Variants in CEP85L observed in about 807,000 individuals in gnomAD.
CEP85L encodes centrosomal protein 85L, also known as centrosomal protein of 85 kDa-like.
In CEP85L, 60 loss-of-function variants were observed where a neutral mutation model predicts 100.3. The ratio of observed to expected loss-of-function variants is 0.60; its 90% CI spans 0.49 to 0.74. CEP85L has a LOEUF of 0.74. Among genes scored for constraint, CEP85L ranks in the 30% least tolerant of loss-of-function variants. The pLI is 0.00. For synonymous variants in CEP85L, 319 were observed against 322.7 expected (o/e 0.99, Z 0.12); for missense variants, 973 against 936.2 (o/e 1.04, Z -0.51).
chr6:118,509,557 T>TA (rs1384727297), intron 5 of CEP85L, among the ~76,000 whole-genome samples: 5 of 152,246 alleles, frequency 3.3e-5, no homozygotes, highest in Non-Finnish European at 1.5e-5. Context: ...GAAAATCTGA[T>TA]AGTTATTTTC....
At chr6:118,641,630 G>A (rs370938641) in intron 1 of CEP85L, among the ~76,000 whole-genome samples, 19 of 152,196 alleles carry the variant, frequency 1.2e-4, no homozygotes, top group African/African-American at 4.6e-4. Context: ...GGCTGGTTAA[G>A]CAGATTTGCA....
Position 118,566,136 on chromosome 6 carries a change from C to T in CEP85L, c.413G>A (p.Arg138Lys). 6.2e-7 allele frequency: 1 copy of T among 1,614,184 alleles called. No homozygotes were observed. The highest frequency in any genetic ancestry group is 8.5e-7 in the Non-Finnish European group (1 of 1,180,022). Residue 138 changes from arginine to lysine, a missense_variant, in exon 3 of 13, where the codon AGG becomes AAG. This residue lies in a region of CEP85L where 890 missense variants were observed against 844.5 expected (regional missense o/e 1.05). Transcript: ENST00000368491. ...SLMQTLGNHS[R>K]GEQDSSLDMK... ...GTCTAGGGAAGAGTCCTGCTCCCCC[C>T]TACTGTGGTTTCCCAATGTTTGCAT...
At chr6:118,484,143 C>A (rs1272403564) in intron 6 of CEP85L, among the ~76,000 whole-genome samples, 2 of 152,100 alleles carry the variant, frequency 1.3e-5, no homozygotes, top group Admixed American at 6.6e-5. Context: ...AACCCTGTCT[C>A]TACTAAAAAA....
At chr6:118,694,425 AT>A (rs1377935113) in intron 1 of CEP85L, among the ~76,000 whole-genome samples, 1 of 152,208 alleles carries the variant, frequency 6.6e-6, no homozygotes, top group African/African-American at 2.4e-5. Context: ...TTTAAAATAC[AT>A]TTTTCCAATA....
chr6:118,508,877 TA>T (rs1358719598), intron 5 of CEP85L, among the ~76,000 whole-genome samples: 1 of 152,070 alleles, frequency 6.6e-6, no homozygotes, highest in African/African-American at 2.4e-5. Context: ...GATCCAAAGT[TA>T]AAAAAATCCT....
intron 3 of CEP85L, among the ~76,000 whole-genome samples, chr6:118,542,979 T>C (rs1777996363): frequency 6.7e-6 from 1 of 149,430 alleles, no homozygotes; most frequent in Non-Finnish European, 1.5e-5. Flanking sequence ...ATTAGCATGA[T>C]AAAGAAGTCT....
chr6:118,656,031 G>T (rs1221608740), upstream of CEP85L, among the ~76,000 whole-genome samples: 1 of 152,158 alleles, frequency 6.6e-6, no homozygotes, highest in African/African-American at 2.4e-5. Context: ...TTTCTTTTCA[G>T]ATGCCATATG....
intron 1 of CEP85L, among the ~76,000 whole-genome samples, chr6:118,662,643 G>T (rs937702762): frequency 1.9e-4 from 29 of 152,126 alleles, no homozygotes; most frequent in African/African-American, 7.0e-4. Flanking sequence ...TGGCAGAGTA[G>T]GAATTCAAAG....
chr6:118,639,986 T>TA (rs1178133482), intron 1 of CEP85L, among the ~76,000 whole-genome samples: 1 of 152,228 alleles, frequency 6.6e-6, no homozygotes, highest in African/African-American at 2.4e-5. Context: ...GATCAGTAAA[T>TA]ATTTATCAAT....
chr6:118,651,041 G>T (rs1000718429), intron 1 of CEP85L, among the ~76,000 whole-genome samples, 156 bp downstream of exon 1: 6 of 152,200 alleles, frequency 3.9e-5, no homozygotes, highest in Non-Finnish European at 8.8e-5. Flanking sequence ...GTCAGCCCGG[G>T]TGCTGACAGC....
chr6:118,628,175 C>CA (rs148054602), intron 2 of CEP85L, among the ~76,000 whole-genome samples: 16 of 145,276 alleles, frequency 1.1e-4, no homozygotes, highest in South Asian at 2.2e-4. Context: ...TACTGTAAGA[C>CA]AAAAAAAAAA....
chr6:118,702,688 C>T (rs147984091), intron 1 of CEP85L, among the ~76,000 whole-genome samples: 2,179 of 152,102 alleles, frequency 0.014, 47 homozygotes, highest in African/African-American at 0.05. Flanking sequence ...AAATTGTTTA[C>T]AACTTTTTTC....
chr6:118,586,181 T>C (rs747648134), intron 2 of CEP85L, among the ~76,000 whole-genome samples: 17 of 152,000 alleles, frequency 1.1e-4, no homozygotes, highest in Non-Finnish European at 2.4e-4. Context: ...CACCAGAAAA[T>C]TGTCCCAAGA....
At chr6:118,604,955 TAA>T (rs960543954) in intron 2 of CEP85L, among the ~76,000 whole-genome samples, 2 of 152,124 alleles carry the variant, frequency 1.3e-5, no homozygotes, top group African/African-American at 4.8e-5. Flanking sequence ...GAAAAAATAT[TAA>T]GTGCTTATTT....
intron 3 of CEP85L, chr6:118,558,682 G>A: frequency 1.9e-6 from 1 of 533,546 alleles, no homozygotes; most frequent in South Asian, 2.0e-5. Flanking sequence ...GAGAGAGAGA[G>A]AGAGAGGGAG....
At chr6:118,626,870 A>G (rs10457342) in intron 2 of CEP85L, among the ~76,000 whole-genome samples, 70,781 of 152,080 alleles carry the variant, frequency 0.47, 16,986 homozygotes, top group Middle Eastern at 0.57. Context: ...ACAGAGTAGT[A>G]TCTAAAATAT....
intron 1 of CEP85L, among the ~76,000 whole-genome samples, chr6:118,700,194 A>C (rs1777365105): frequency 6.6e-6 from 1 of 152,246 alleles, no homozygotes. Context: ...GGTATAAAAA[A>C]GGTTTTCTGT....
chr6:118,647,179 C>A (rs1775256017), intron 1 of CEP85L: 3 of 459,532 alleles, frequency 6.5e-6, no homozygotes, highest in Non-Finnish European at 8.6e-6. Flanking sequence ...GTTATTACCA[C>A]TATCATTATG....
rs114537708 is a variant in CEP85L, at chr6:118,625,577, G to A, written c.232+6876C>T. Among the ~76,000 whole-genome samples, 156 of 152,260 alleles carry A rather than the reference G, an allele frequency of 1.0e-3. 3 individuals carry two copies. The East Asian group carries it at 0.015, about 15-fold the overall frequency. ...CTGACTGGGGTGGCCCTCCAAAAAC[G>A]AAGGGCCCTAGACTTACTAACAGCT... On this transcript the variant is annotated intron_variant, in intron 2 of 12. Coordinates refer to ENST00000368491, the MANE Select transcript of CEP85L (RefSeq NM_001042475.3).
Sources: allele counts gnomAD v4.1 joint callset (sites outside exome capture counted in the v4.1 genomes callset), GRCh38; gene constraint gnomAD v4.1.1; regional missense constraint gnomAD v4.1.1; transcripts MANE v1.5; gene names NCBI Gene and HGNC (gene_info 2026-07-23, HGNC 2026-07-21).